Variants in RBL1 observed in about 807,000 individuals in gnomAD.
RBL1 encodes the protein retinoblastoma-like protein 1.
In RBL1, 82 loss-of-function variants were observed where a neutral mutation model predicts 123.0. That is an observed-to-expected ratio of 0.67 (90% confidence interval 0.56 to 0.80). The LOEUF (loss-of-function observed/expected upper bound fraction) is 0.80, where lower values mean the gene tolerates loss of function less well. RBL1 is among the 30% of genes least tolerant of loss of function. The pLI is 0.00. For synonymous variants in RBL1, 405 were observed against 441.3 expected (o/e 0.92, Z 1.03); for missense variants, 1,171 against 1,299.6 (o/e 0.90, Z 1.52).
chr20:36,999,545 A>C (rs997149053), intron 21 of RBL1, among the ~76,000 whole-genome samples: 3 of 148,906 alleles, frequency 2.0e-5, no homozygotes, highest in African/African-American at 7.6e-5. Context: ...ATGCCGAGCC[A>C]AAGCTGGACT....
chr20:37,088,229 C>T (rs891707298), intron 2 of RBL1, among the ~76,000 whole-genome samples: 2 of 147,158 alleles, frequency 1.4e-5, no homozygotes, highest in Admixed American at 6.8e-5. Context: ...TGCACCACTG[C>T]ACTCTAGCCT....
chr20:37,011,720 C>A (rs573355643), intron 19 of RBL1, among the ~76,000 whole-genome samples: 1 of 152,178 alleles, frequency 6.6e-6, no homozygotes, highest in African/African-American at 2.4e-5. Context: ...CAGGTGTGAG[C>A]CACCATGTAC....
intron 21 of RBL1, among the ~76,000 whole-genome samples, chr20:37,001,225 C>A (rs1197519071): frequency 6.6e-6 from 1 of 151,802 alleles, no homozygotes; most frequent in Non-Finnish European, 1.5e-5. Context: ...AAGTGAGGAG[C>A]CCCTCTGCCC....
chr20:37,011,988 C>T (rs79698631), intron 19 of RBL1, among the ~76,000 whole-genome samples: 2 of 152,346 alleles, frequency 1.3e-5, no homozygotes, highest in East Asian at 1.9e-4. Context: ...TCAGCCTGCC[C>T]AGTGCCTGCG....
intron 21 of RBL1, among the ~76,000 whole-genome samples, chr20:36,999,414 T>G (rs767727035): frequency 6.7e-6 from 1 of 149,134 alleles, no homozygotes; most frequent in Non-Finnish European, 1.5e-5. Flanking sequence ...AATAGAAAAA[T>G]AAGCTTCCCG....
intron 19 of RBL1, among the ~76,000 whole-genome samples, chr20:37,012,932 C>G (rs1203496809): frequency 7.0e-6 from 1 of 142,368 alleles, no homozygotes; most frequent in Non-Finnish European, 1.5e-5. Context: ...TCAGCCCCCC[C>G]GCCAGCCAGC....
chr20:37,032,489 C>A (rs940083040), intron 16 of RBL1, among the ~76,000 whole-genome samples, 176 bp downstream of exon 16: 1 of 151,922 alleles, frequency 6.6e-6, no homozygotes, highest in Non-Finnish European at 1.5e-5. Context: ...AGTAATAAAG[C>A]TGCACAACAA....
intron 14 of RBL1, among the ~76,000 whole-genome samples, chr20:37,037,145 G>A (rs1178196510): frequency 6.6e-6 from 1 of 152,180 alleles, no homozygotes; most frequent in Non-Finnish European, 1.5e-5. Context: ...AAGAGTCCAT[G>A]TGAATGCCTT....
chr20:37,088,642 G>A (rs1460406750), intron 2 of RBL1, among the ~76,000 whole-genome samples: 1 of 151,578 alleles, frequency 6.6e-6, no homozygotes, highest in Non-Finnish European at 1.5e-5. Flanking sequence ...ATCATTTGAG[G>A]TCAGGAGTTC....
rs751343729 is a variant in RBL1, at chr20:37,061,145, C to T, written c.1208G>A (p.Gly403Asp). 1.9e-6 allele frequency: 3 copies of T among 1,611,262 alleles called. No individual in the cohort carries two copies. The highest frequency in any genetic ancestry group is 1.1e-5 in the South Asian group (1 of 90,552). The change falls in exon 9 of 22, where the codon GGT (glycine) becomes GAT (aspartate). Residue 403 changes from glycine (G) to aspartate (D), a missense_variant. By Grantham distance (94) the Gly-to-Asp change is moderately conservative. Transcript: ENST00000373664. ...SVSRLQSIVAGLKNAPSDQLI... is the reference protein window; with the variant it reads ...SVSRLQSIVADLKNAPSDQLI... ...TTGGTCACTTGGTGCATTTTTCAGACCAGCCACAATACTCTGTAACCGGCT... is the reference window on the plus strand; with the variant it reads ...TTGGTCACTTGGTGCATTTTTCAGATCAGCCACAATACTCTGTAACCGGCT...
intron 2 of RBL1, among the ~76,000 whole-genome samples, chr20:37,081,419 T>A (rs1407730934): frequency 1.3e-5 from 2 of 151,878 alleles, no homozygotes; most frequent in Admixed American, 6.6e-5. Flanking sequence ...GGCAGGAGGA[T>A]CTCCTCAAGC....
At chr20:37,061,977 G>A in intron 8 of RBL1, 107 bp downstream of exon 8, 1 of 1,261,972 alleles carries the variant, frequency 7.9e-7, no homozygotes, top group Non-Finnish European at 1.1e-6. Context: ...ATATGAATTA[G>A]TAGAAGAAGC....
At chr20:37,074,212 G>A (rs542284180) in intron 2 of RBL1, among the ~76,000 whole-genome samples, 35 of 151,982 alleles carry the variant, frequency 2.3e-4, no homozygotes, top group Admixed American at 1.9e-3. Context: ...CCAGGAGTTC[G>A]AGACCAGCCT....
At chr20:37,013,452 G>T (rs914187870) in intron 19 of RBL1, among the ~76,000 whole-genome samples, 1 of 151,470 alleles carries the variant, frequency 6.6e-6, no homozygotes, top group Non-Finnish European at 1.5e-5. Flanking sequence ...CAAACACTGC[G>T]GAAGGCCGCA....
intron 15 of RBL1, among the ~76,000 whole-genome samples, chr20:37,033,859 C>T (rs866010102): frequency 9.2e-5 from 14 of 151,604 alleles, no homozygotes; most frequent in Middle Eastern, 3.4e-3. Flanking sequence ...TCAAGTGATC[C>T]ACCTGCCTCA....
rs575513778 is a variant in RBL1 at position 37,087,882 on chromosome 20, G to A, written c.290+1107C>T. On this transcript the variant is annotated intron_variant, in intron 2 of 21. Transcript: ENST00000373664. ...TTTTGCTGAAGTTGGTAGCTGTACT[G>A]TAGTTATTTAAAGAAATACACAGTG... Among the ~76,000 whole-genome samples the A allele has an allele frequency of 7.9e-5, 12 of 152,304 alleles. No individual in the cohort carries two copies. The East Asian group carries it at 1.7e-3, about 22-fold the overall frequency.
chr20:37,044,420 C>CAGTGGTGTGA (rs1487219676), intron 12 of RBL1, among the ~76,000 whole-genome samples, 170 bp from the exon 13 acceptor site: 2 of 152,114 alleles, frequency 1.3e-5, no homozygotes, highest in Non-Finnish European at 2.9e-5. Context: ...TCACTGCAAC[C>CAGTGGTGTGA]TCTGCCTCCC....
rs1568869636 is a variant in RBL1, at chr20:37,062,263, C to T, written c.904G>A (p.Val302Met). ...ACATACTCTTCATACTCCTTATTCA[C>T]TGCTTTGCTGCAAAGAGAATTATTA... ...LSSFTDNSKA[V>M]NKEYEEYVLT... The change falls in exon 8 of 22, where the codon GTG (valine) becomes ATG (methionine). Residue 302 changes from valine to methionine, a missense_variant. Val to Met is a conservative substitution (Grantham distance 21). Coordinates refer to ENST00000373664, the MANE Select transcript of RBL1 (RefSeq NM_002895.5). The T allele has an allele frequency of 4.3e-6, 7 of 1,613,546 alleles. No individual in the cohort carries two copies. Among genetic ancestry groups the T allele is most frequent in the Non-Finnish European group, 3.4e-6 (4 of 1,179,766 alleles).
intron 9 of RBL1, among the ~76,000 whole-genome samples, chr20:37,059,933 G>A (rs1315354263): frequency 3.9e-5 from 6 of 152,020 alleles, no homozygotes; most frequent in Admixed American, 2.6e-4. Context: ...AGCACTTTGG[G>A]AGGCCGAGGC....
Sources: allele counts gnomAD v4.1 joint callset (sites outside exome capture counted in the v4.1 genomes callset), GRCh38; gene constraint gnomAD v4.1.1; transcripts MANE v1.5; gene names NCBI Gene and HGNC (gene_info 2026-07-23, HGNC 2026-07-21).